Variants in KIRREL3 observed in about 807,000 individuals in gnomAD.
KIRREL3 encodes the protein kin of IRRE-like protein 3.
A neutral mutation model predicts 89.7 loss-of-function variants in KIRREL3; 36 were observed. The ratio of observed to expected loss-of-function variants is 0.40; its 90% CI spans 0.31 to 0.53. The LOEUF (loss-of-function observed/expected upper bound fraction) is 0.53. Among genes scored for constraint, KIRREL3 ranks in the 20% least tolerant of loss-of-function variants. The probability of loss-of-function intolerance (pLI) is 0.49; values close to 1 mark genes in which losing one functional copy is unlikely to be tolerated. For synonymous variants in KIRREL3, 445 were observed against 441.4 expected, an observed-to-expected ratio of 1.01 and a Z score of -0.10; for missense variants, 864 against 1,056.6, an observed-to-expected ratio of 0.82 and a Z score of 2.53.
intron 1 of KIRREL3, among the ~76,000 whole-genome samples, chr11:126,680,415 T>TATATACAC (rs551073557): frequency 4.0e-5 from 6 of 151,496 alleles, no homozygotes; most frequent in Non-Finnish European, 7.4e-5. Flanking sequence ...TATATATATA[T>TATATACAC]ACACATAGCC....
intron 1 of KIRREL3, among the ~76,000 whole-genome samples, chr11:126,821,526 G>A (rs1455634861): frequency 6.6e-6 from 1 of 151,592 alleles, no homozygotes; most frequent in Non-Finnish European, 1.5e-5. Flanking sequence ...TTTATAAAAG[G>A]GGAGACATCA....
chr11:126,588,091 T>C (rs935786890), intron 1 of KIRREL3, among the ~76,000 whole-genome samples: 4 of 152,200 alleles, frequency 2.6e-5, no homozygotes, highest in Admixed American at 1.3e-4. Context: ...ACTTAAACTC[T>C]CTAGTCTTAG....
chr11:126,832,491 G>A (rs192237129), intron 1 of KIRREL3, among the ~76,000 whole-genome samples: 18 of 152,314 alleles, frequency 1.2e-4, no homozygotes, highest in Non-Finnish European at 2.1e-4. Context: ...ACTATCGTGA[G>A]GAAAGCTTGA....
At chr11:126,658,505 C>T (rs1417182475) in intron 1 of KIRREL3, among the ~76,000 whole-genome samples, 1 of 152,156 alleles carries the variant, frequency 6.6e-6, no homozygotes, top group Non-Finnish European at 1.5e-5. Context: ...CCTCATTTAG[C>T]CTAATAACCT....
In KIRREL3 at chr11:126,788,743, C is replaced by T. The variant is rs34105468; in HGVS notation, c.55+211712G>A. Reference sequence around the variant, plus strand: ...GAACTGATTGTTTTGATCTGGAAGCCGTCAGAGTTCAATCTGGAGTCATCC... The same window carrying T: ...GAACTGATTGTTTTGATCTGGAAGCTGTCAGAGTTCAATCTGGAGTCATCC... On this transcript the variant is annotated intron_variant, in intron 1 of 16. Transcript: ENST00000525144. The surrounding 1 kb of genome is among the most constrained non-coding windows in gnomAD (Gnocchi z 4.1). 8.4e-3 allele frequency among the ~76,000 whole-genome samples: 1,285 copies of T among 152,266 alleles called. 12 individuals are homozygous for T. The highest frequency in any genetic ancestry group is 0.013 in the Non-Finnish European group (888 of 68,032).
chr11:126,591,795 A>G (rs571675727), intron 1 of KIRREL3, among the ~76,000 whole-genome samples: 3 of 152,336 alleles, frequency 2.0e-5, no homozygotes, highest in South Asian at 2.1e-4. Flanking sequence ...ACGTATGACC[A>G]TGCTCTGTTT....
rs759873561 is a variant in KIRREL3 at position 126,456,451 on chromosome 11, G to A, written c.746C>T (p.Pro249Leu). The A allele has an allele frequency of 1.3e-6, 2 of 1,569,438 alleles. No homozygotes were observed. The highest frequency in any genetic ancestry group is 1.7e-6 in the Non-Finnish European group (2 of 1,156,594). The change falls in exon 7 of 17, where the codon CCT becomes CTT. Residue 249 changes from proline (P) to leucine (L), a missense_variant. Physicochemically the swap from Pro to Leu is moderately conservative, Grantham distance 98. Transcript: ENST00000525144. ...CTCCACCGAGAGGTTGACCAGTGGA[G>A]GGTCTGCAGGGAGAGGAGAGTCACT... is the stretch of plus-strand genomic sequence containing the variant. ...ETSVTIDIQH[P>L]PLVNLSVEPQ... is the part of the protein sequence containing the mutation.
chr11:126,601,738 C>T lies in KIRREL3; in HGVS notation c.56-38826G>A, dbSNP rs11220552. 0.06 allele frequency among the ~76,000 whole-genome samples: 9,166 copies of T among 152,200 alleles called. 935 individuals are homozygous for T. Among genetic ancestry groups the T allele is most frequent in the African/African-American group, 0.21 (8,679 of 41,498 alleles). Reference sequence around the variant, plus strand: ...CGGTGCCATTCGCCCACCCCGCCTACATTCCTGGACGCCTATTTGGAGTTT... The same window carrying T: ...CGGTGCCATTCGCCCACCCCGCCTATATTCCTGGACGCCTATTTGGAGTTT... On this transcript the variant is annotated intron_variant, in intron 1 of 16. Transcript: ENST00000525144. The surrounding 1 kb of genome is among the most constrained non-coding windows in gnomAD (Gnocchi z 5.8).
In KIRREL3 at chr11:126,438,092, C is replaced by T. The variant is rs76387651; in HGVS notation, c.1354-1083G>A. Among the ~76,000 whole-genome samples, 1,011 of 152,350 alleles carry T rather than the reference C, an allele frequency of 6.6e-3. 9 individuals are homozygous for T. The highest frequency in any genetic ancestry group is 0.021 in the African/African-American group (888 of 41,570). ...GGGGCCTGGGGAGCATCTTTCTGGGCAAAGTGGGTGCCCTGTTGGCCTGCG... is the reference window on the plus strand; with the variant it reads ...GGGGCCTGGGGAGCATCTTTCTGGGTAAAGTGGGTGCCCTGTTGGCCTGCG... On this transcript the variant is annotated intron_variant, in intron 11 of 16. Transcript: ENST00000525144.
chr11:126,567,806 T>C (rs527882206), intron 1 of KIRREL3, among the ~76,000 whole-genome samples: 78 of 150,788 alleles, frequency 5.2e-4, no homozygotes, highest in African/African-American at 1.9e-3. Flanking sequence ...CAGCACTTGC[T>C]GGTTGCCTGG....
rs549277814 is a variant in KIRREL3, at chr11:126,531,354, C to T, written c.134-4667G>A. On this transcript the variant is annotated intron_variant, in intron 2 of 16. Transcript: ENST00000525144. The surrounding 1 kb of genome is among the most constrained non-coding windows in gnomAD (Gnocchi z 4.7). ...AATTCACCACTTGCTTCAGGGTTCC[C>T]CTCTTTTAAGGGGTGGGACCTCTCA... Among the ~76,000 whole-genome samples, 3 of 152,348 alleles carry T rather than the reference C, an allele frequency of 2.0e-5. No individual in the cohort carries two copies. The highest frequency in any genetic ancestry group is 6.5e-5 in the Admixed American group (1 of 15,306).
intron 1 of KIRREL3, among the ~76,000 whole-genome samples, chr11:126,929,969 C>A (rs1444904065): frequency 6.6e-6 from 1 of 151,926 alleles, no homozygotes; most frequent in Non-Finnish European, 1.5e-5. Context: ...CCCACCTCAC[C>A]GATTCCCAAG....
intron 1 of KIRREL3, among the ~76,000 whole-genome samples, chr11:126,585,220 C>CTTT (rs3042225): frequency 0.012 from 974 of 81,876 alleles, 153 homozygotes; most frequent in African/African-American, 0.054. Flanking sequence ...CGCCCGGCCT[C>CTTT]TTTTTTTTTT....
chr11:126,564,802 C>T lies in KIRREL3; in HGVS notation c.56-1890G>A, dbSNP rs1232369420. On this transcript the variant is annotated intron_variant, in intron 1 of 16. Transcript: ENST00000525144. This position sits in a 1 kb window ranked among gnomAD's most constrained non-coding sequence, Gnocchi z 7.4. ...TTCCAGGAGGGGGCCAGTGGAAGTA[C>T]AAGCTGCGAGGAGGTGCTGAGCTCC... Among the ~76,000 whole-genome samples, 2 of 152,170 alleles carry T rather than the reference C, an allele frequency of 1.3e-5. No individual in the cohort carries two copies. Among genetic ancestry groups the T allele is most frequent in the Non-Finnish European group, 2.9e-5 (2 of 68,024 alleles).
chr11:126,657,965 G>A (rs192404559), intron 1 of KIRREL3, among the ~76,000 whole-genome samples: 173 of 152,246 alleles, frequency 1.1e-3, no homozygotes, highest in African/African-American at 3.9e-3. Context: ...CTCTCCTCCC[G>A]GATCCCATCA....
intron 1 of KIRREL3, among the ~76,000 whole-genome samples, chr11:126,649,196 G>A (rs896813532): frequency 3.3e-5 from 5 of 152,122 alleles, no homozygotes; most frequent in Admixed American, 2.0e-4. Flanking sequence ...CCCACAACAC[G>A]TGGGAATTAT....
At chr11:126,598,618 G>A (rs1164660042) in intron 1 of KIRREL3, among the ~76,000 whole-genome samples, 1 of 152,166 alleles carries the variant, frequency 6.6e-6, no homozygotes, top group Non-Finnish European at 1.5e-5. Flanking sequence ...AGGATGGGCT[G>A]CCCATCTACT....
rs1378692534 is a variant in KIRREL3 at position 126,435,179 on chromosome 11, C to T, written c.1588+89G>A. 1.2e-5 allele frequency: 16 copies of T among 1,388,736 alleles called. No individual in the cohort carries two copies. In the South Asian group the frequency reaches 1.5e-4, roughly 13 times the overall value. The allele number at this position is 1,388,736 out of a possible 1,614,324, so 86.0% of individuals were successfully genotyped here. Reference sequence around the variant, plus strand: ...GGAGACACTAGCGGCCAGCACAGGCCTCCCTACCCCCTGCTGGGTTCCCTC... The same window carrying T: ...GGAGACACTAGCGGCCAGCACAGGCTTCCCTACCCCCTGCTGGGTTCCCTC... On this transcript the variant is annotated intron_variant, in intron 13 of 16. Coordinates refer to ENST00000525144, the MANE Select transcript of KIRREL3 (RefSeq NM_032531.4).
chr11:126,680,883 T>C (rs1313533993), intron 1 of KIRREL3, among the ~76,000 whole-genome samples: 1 of 152,226 alleles, frequency 6.6e-6, no homozygotes, highest in Non-Finnish European at 1.5e-5. Context: ...AAATATTACC[T>C]TCAGCAGCAC....
Sources: gnomAD v4.1 joint callset for allele counts (sites outside exome capture counted in the v4.1 genomes callset) on GRCh38, gnomAD v4.1.1 for gene constraint, Gnocchi (gnomAD v3.1) non-coding constraint, MANE v1.5 for transcripts, NCBI Gene and HGNC (gene_info 2026-07-23, HGNC 2026-07-21) for gene names.